Variants in DSG1 observed in about 807,000 individuals in gnomAD.
The protein encoded by DSG1 is desmoglein-1.
DSG1 carries 39 observed loss-of-function variants against 97.5 expected under a neutral mutation model. That is an observed-to-expected ratio of 0.40 (90% confidence interval 0.31 to 0.52). The LOEUF (loss-of-function observed/expected upper bound fraction) is 0.52, where lower values mean the gene tolerates loss of function less well. Ranked by LOEUF, DSG1 falls within the 20% of genes least tolerant of loss-of-function variation. The pLI is 0.53. For missense variants in DSG1, 1,311 were observed against 1,295.4 expected (o/e 1.01, Z -0.18); for synonymous variants, 475 against 443.4 (o/e 1.07, Z -0.90).
chr18:31,318,335 T>A lies in DSG1; in HGVS notation c.35T>A (p.Leu12Gln), dbSNP rs1489241705. The change falls in exon 1 of 15, where the codon CTG becomes CAG. Residue 12 changes from leucine (L) to glutamine (Q), a missense_variant. Leu to Gln is a moderately radical substitution (Grantham distance 113). Coordinates refer to ENST00000257192, the MANE Select transcript of DSG1 (RefSeq NM_001942.4). ...AGTTTCTTCAGAGTAGTTGCAATGC[T>A]GTTCATTTTTCTGGTGAGTGGATTC... Reference protein sequence around the residue: ...DWSFFRVVAMLFIFLVVVEVN... With the variant: ...DWSFFRVVAMQFIFLVVVEVN... 3.1e-6 allele frequency: 5 copies of A among 1,613,282 alleles called. No individual in the cohort carries two copies. In the South Asian group the frequency reaches 5.5e-5, roughly 18 times the overall value.
rs553951840 is a variant in DSG1 at position 31,358,010 on chromosome 18, C to T, written c.*2664C>T. Among the ~76,000 whole-genome samples, 1 of 152,006 alleles carries T rather than the reference C, an allele frequency of 6.6e-6. No homozygotes were observed. The highest frequency in any genetic ancestry group is 2.1e-4 in the South Asian group (1 of 4,816). On this transcript the variant is annotated 3_prime_UTR_variant, in exon 15 of 15. Coordinates refer to ENST00000257192, the MANE Select transcript of DSG1 (RefSeq NM_001942.4). ...TCATTCTTCTTCTTAGATGTTTACTCTAGATCATATACATCATGTCATAGA... is the reference window on the plus strand; with the variant it reads ...TCATTCTTCTTCTTAGATGTTTACTTTAGATCATATACATCATGTCATAGA...
chr18:31,324,903 T>C (rs11872734), intron 1 of DSG1, among the ~76,000 whole-genome samples: 62,862 of 152,146 alleles, frequency 0.41, 14,239 homozygotes, highest in Non-Finnish European at 0.5. Flanking sequence ...AATATTTTCC[T>C]ACTGCACACA....
chr18:31,333,488 ATTTATGT>A lies in DSG1; in HGVS notation c.685-100_685-94del. 7 of 1,430,076 alleles carry A rather than the reference ATTTATGT, an allele frequency of 4.9e-6. No individual in the cohort carries two copies. The African/African-American group carries it at 7.0e-5, about 14-fold the overall frequency. The allele number at this position is 1,430,076 out of a possible 1,614,324, so 88.6% of individuals were successfully genotyped here. A position where few individuals can be genotyped will look rare whatever the true frequency, so the allele number is the denominator to read the frequency against. On this transcript the variant is annotated intron_variant, in intron 6 of 14. Transcript: ENST00000257192. ...TGTGTTAACCCTACCTCTATCATAGATTTATGTAAACGTTGAGCCAACTTTTCAAAGA... is the reference window on the plus strand; with the variant it reads ...TGTGTTAACCCTACCTCTATCATAGAAAACGTTGAGCCAACTTTTCAAAGA...
intron 11 of DSG1, among the ~76,000 whole-genome samples, chr18:31,341,367 T>A (rs2071787631): frequency 6.6e-6 from 1 of 152,226 alleles, no homozygotes; most frequent in Admixed American, 6.5e-5. Context: ...TCATTTTTCT[T>A]GGCACGTGAA....
At chr18:31,338,201 G>C in intron 9 of DSG1, 114 bp from the exon 10 acceptor site, 1 of 1,133,006 alleles carries the variant, frequency 8.8e-7, no homozygotes, top group Admixed American at 2.2e-5. Context: ...TCTAGTAATT[G>C]AAAACTGTAT....
chr18:31,339,010 C>A (rs1364603578), intron 10 of DSG1, among the ~76,000 whole-genome samples: 1 of 152,106 alleles, frequency 6.6e-6, no homozygotes, highest in East Asian at 1.9e-4. Flanking sequence ...GAGCTCACAT[C>A]TATGTAATAA....
chr18:31,321,451 GA>G (rs2071653356), intron 1 of DSG1, among the ~76,000 whole-genome samples: 1 of 152,110 alleles, frequency 6.6e-6, no homozygotes, highest in South Asian at 2.1e-4. Context: ...ATATTTTGTA[GA>G]AAATGGAAGG....
In DSG1 at chr18:31,354,864, T is replaced by G. The variant is rs761004049; in HGVS notation, c.2668T>G (p.Ser890Ala). 6.2e-7 allele frequency: 1 copy of G among 1,614,000 alleles called. No individual in the cohort carries two copies. The highest frequency in any genetic ancestry group is 1.1e-5 in the South Asian group (1 of 91,070). The change falls in exon 15 of 15, where the codon TCG becomes GCG. Residue 890 changes from serine to alanine, a missense_variant. Around this residue, in one of 3 missense-constraint regions of DSG1, gnomAD observed 1,038 missense variants for 964.6 expected, o/e 1.08. Transcript: ENST00000257192. ...AGAGATGCCTGACTTGCGAGATGGG[T>G]CGAATGTTATAGTGACAGAAAGGGT... ...MLEMPDLRDG[S>A]NVIVTERVIA...
intron 3 of DSG1, among the ~76,000 whole-genome samples, chr18:31,327,647 G>A (rs563678044): frequency 2.2e-4 from 34 of 152,162 alleles, no homozygotes; most frequent in Admixed American, 1.0e-3. Context: ...TATTCGCGTG[G>A]TCTCCTTCCT....
At chr18:31,325,905 C>T (rs913280564) in intron 1 of DSG1, among the ~76,000 whole-genome samples, 13 of 151,970 alleles carry the variant, frequency 8.6e-5, no homozygotes, top group Non-Finnish European at 1.6e-4. Flanking sequence ...TAGTGGTGAC[C>T]ACATGTATTT....
chr18:31,330,087 T>C, intron 5 of DSG1, 51 bp downstream of exon 5: 16 of 1,596,514 alleles, frequency 1.0e-5, no homozygotes, highest in Non-Finnish European at 1.4e-5. Context: ...GGCACCTAAC[T>C]GGAGACTAAA....
chr18:31,328,063 C>T (rs1457263207), intron 3 of DSG1, 126 bp from the exon 4 acceptor site: 2 of 895,762 alleles, frequency 2.2e-6, no homozygotes, highest in African/African-American at 3.4e-5. Flanking sequence ...GGAAAATAAT[C>T]TCCATTGACA....
chr18:31,331,165 G>T (rs2071718631), intron 5 of DSG1, among the ~76,000 whole-genome samples: 1 of 151,984 alleles, frequency 6.6e-6, no homozygotes, highest in Non-Finnish European at 1.5e-5. Context: ...CTTGACGAAG[G>T]ATCACCCAAA....
At position 31,346,127 on chromosome 18, in the gene DSG1, A is replaced by G. The variant is rs374383779; in HGVS notation, c.2029A>G (p.Arg677Gly). ...ATGTCAAGAATACTCTGGAACATTA[A>G]GAAGAAATTCTATGAGGGAATGTAG... ...EICQEYSGTL[R>G]RNSMRECREG... The change falls in exon 14 of 15, where the codon AGA (arginine) becomes GGA (glycine). Residue 677 changes from arginine to glycine, a missense_variant. Physicochemically the swap from Arg to Gly is moderately radical, Grantham distance 125 (BLOSUM62 -2). Transcript: ENST00000257192. The G allele has an allele frequency of 1.2e-6, 2 of 1,613,880 alleles. No homozygotes were observed. The highest frequency in any genetic ancestry group is 1.7e-5 in the Admixed American group (1 of 59,982).
rs1397683292 is a variant in DSG1 at position 31,358,505 on chromosome 18, T to C, written c.*3159T>C. ...AAATGTTCTGACAAAATTTTAATTA[T>C]ATGTCTTCAAAAATTACATTTTTTA... On this transcript the variant is annotated 3_prime_UTR_variant, in exon 15 of 15. Transcript: ENST00000257192. Among the ~76,000 whole-genome samples, 1 of 152,082 alleles carries C rather than the reference T, an allele frequency of 6.6e-6. No individual in the cohort carries two copies. Among genetic ancestry groups the C allele is most frequent in the Non-Finnish European group, 1.5e-5 (1 of 67,930 alleles).
At chr18:31,343,291 G>T in intron 11 of DSG1, 159 bp from the exon 12 acceptor site, 1 of 980,230 alleles carries the variant, frequency 1.0e-6, no homozygotes, top group Non-Finnish European at 1.6e-6. Flanking sequence ...ATTTACTTTG[G>T]GGTCTGACCA....
chr18:31,344,965 T>C (rs1018212445), intron 13 of DSG1, among the ~76,000 whole-genome samples: 1 of 152,206 alleles, frequency 6.6e-6, no homozygotes, highest in Non-Finnish European at 1.5e-5. Context: ...ACAGTAGTCT[T>C]TAAATCTATT....
chr18:31,322,994 A>G (rs1019292816), intron 1 of DSG1, among the ~76,000 whole-genome samples: 4 of 152,206 alleles, frequency 2.6e-5, no homozygotes, highest in African/African-American at 9.6e-5. Context: ...TTCCTAAAAC[A>G]GAAATGAAGG....
At position 31,341,419 on chromosome 18, in the gene DSG1, T is replaced by C. The variant is rs566794545; in HGVS notation, c.1687+1394T>C. Among the ~76,000 whole-genome samples the C allele has an allele frequency of 3.9e-5, 6 of 152,308 alleles. No individual in the cohort carries two copies. In the South Asian group the frequency reaches 6.2e-4, roughly 16 times the overall value. On this transcript the variant is annotated intron_variant, in intron 11 of 14. Coordinates refer to ENST00000257192, the MANE Select transcript of DSG1 (RefSeq NM_001942.4). ...TTGCTACATTTATTTGTGAACTGGG[T>C]TTTCTCTGATTTTAAATAACTCATG...
Sources: gnomAD v4.1 joint callset for allele counts (sites outside exome capture counted in the v4.1 genomes callset) on GRCh38, gnomAD v4.1.1 for gene constraint, gnomAD v4.1.1 regional missense constraint, MANE v1.5 for transcripts, NCBI Gene and HGNC (gene_info 2026-07-23, HGNC 2026-07-21) for gene names.